C1orf94: variants seen among roughly 807,000 people sequenced by gnomAD.
C1orf94 encodes uncharacterized protein C1orf94.
In C1orf94, 45 loss-of-function variants were observed where a neutral mutation model predicts 53.6. The observed-to-expected ratio is 0.84, with a 90% CI of 0.66 to 1.08. C1orf94 has a LOEUF of 1.08. Ranked by LOEUF, C1orf94 falls within the 50% of genes least tolerant of loss-of-function variation. The probability of loss-of-function intolerance (pLI) is 0.00; values close to 1 mark genes in which losing one functional copy is unlikely to be tolerated. For synonymous variants in C1orf94, 304 were observed against 296.1 expected (o/e 1.03, Z -0.27); for missense variants, 762 against 738.9 (o/e 1.03, Z -0.36).
intron 1 of C1orf94, among the ~76,000 whole-genome samples, chr1:34,188,810 G>C (rs1642429770): frequency 6.6e-6 from 1 of 152,206 alleles, no homozygotes; most frequent in Non-Finnish European, 1.5e-5. Context: ...AGTCCCAGGA[G>C]ACAGAGCTTA....
intron 1 of C1orf94, among the ~76,000 whole-genome samples, chr1:34,181,151 G>A (rs145330934): frequency 1.2e-3 from 189 of 152,256 alleles, no homozygotes; most frequent in Non-Finnish European, 1.3e-3. Flanking sequence ...CCAAATCTAT[G>A]TCTTTTTTCT....
At chr1:34,206,636 C>T (rs1007290647) in intron 4 of C1orf94, among the ~76,000 whole-genome samples, 2 of 152,168 alleles carry the variant, frequency 1.3e-5, no homozygotes, top group African/African-American at 2.4e-5. Context: ...GAGGAGGCGG[C>T]GAAACAGAGG....
intron 1 of C1orf94, among the ~76,000 whole-genome samples, chr1:34,194,215 C>G (rs187127029): frequency 6.6e-6 from 1 of 152,304 alleles, no homozygotes; most frequent in Admixed American, 6.5e-5. Flanking sequence ...ATGCTGTGAG[C>G]ATTTCTCGAG....
intron 1 of C1orf94, among the ~76,000 whole-genome samples, chr1:34,187,786 G>A (rs28635974): frequency 0.015 from 331 of 22,730 alleles, 2 homozygotes; most frequent in African/African-American, 0.052. Context: ...CCCCCCCGCC[G>A]CCCCCCACCA....
rs943693497 is a variant in C1orf94 at position 34,177,250 on chromosome 1, C to T, written c.-540C>T. 6.6e-6 allele frequency among the ~76,000 whole-genome samples: 1 copy of T among 152,218 alleles called. No homozygotes were observed. Among genetic ancestry groups the T allele is most frequent in the Non-Finnish European group, 1.5e-5 (1 of 68,038 alleles). ...ACCTGGGCCGGGGGTGGGAGTCGGG[C>T]CGTTGACGCTCGCTCTGCGAGGGGC... is the stretch of plus-strand genomic sequence containing the variant. On this transcript the variant is annotated 5_prime_UTR_variant, in exon 1 of 7. Transcript: ENST00000488417.
At chr1:34,178,348 A>G (rs1044554649) in intron 1 of C1orf94, among the ~76,000 whole-genome samples, 1 of 152,238 alleles carries the variant, frequency 6.6e-6, no homozygotes, top group Non-Finnish European at 1.5e-5. Flanking sequence ...CCCGTTAAGC[A>G]GACATTTCTC....
chr1:34,206,496 T>G (rs1642795191), intron 4 of C1orf94, among the ~76,000 whole-genome samples: 1 of 152,220 alleles, frequency 6.6e-6, no homozygotes, highest in Admixed American at 6.5e-5. Context: ...GATCTTTGTG[T>G]ATGATGCCGT....
Position 34,218,799 on chromosome 1 carries a change from T to C in C1orf94, c.*38T>C. The C allele has an allele frequency of 6.3e-7, 1 of 1,575,030 alleles. No homozygotes were observed. Among genetic ancestry groups the C allele is most frequent in the South Asian group, 1.1e-5 (1 of 88,052 alleles). On this transcript the variant is annotated 3_prime_UTR_variant, in exon 7 of 7. Transcript: ENST00000488417. Reference sequence around the variant, plus strand: ...CCCTTCTCCTCCCTTAGCCCTTGGATCAGGACTAGGGGCTCTGATTTTTGG... The same window carrying C: ...CCCTTCTCCTCCCTTAGCCCTTGGACCAGGACTAGGGGCTCTGATTTTTGG...
chr1:34,177,815 T>C lies in C1orf94; in HGVS notation c.26T>C (p.Leu9Pro), dbSNP rs1425002313. Residue 9 changes from leucine (L) to proline (P), a missense_variant, in exon 1 of 7, where the codon CTA becomes CCA. By Grantham distance (98) the Leu-to-Pro change is moderately conservative (BLOSUM62 -3). Coordinates refer to ENST00000488417, the MANE Select transcript of C1orf94 (RefSeq NM_001134734.2). MRGGGGCV[L>P]ALGGQRGFQK... ...ATGAGGGGTGGTGGTGGTTGTGTTC[T>C]AGCCCTGGGTGGACAGAGGGGCTTC... 1 of 1,545,826 alleles carries C rather than the reference T, an allele frequency of 6.5e-7. No individual in the cohort carries two copies.
chr1:34,218,230 G>C (rs1643021731), intron 6 of C1orf94, among the ~76,000 whole-genome samples: 1 of 152,180 alleles, frequency 6.6e-6, no homozygotes, highest in African/African-American at 2.4e-5. Flanking sequence ...GGGGAGGAGG[G>C]ACTCTGGGAT....
intron 6 of C1orf94, among the ~76,000 whole-genome samples, chr1:34,214,100 A>G (rs976940423): frequency 6.6e-6 from 1 of 152,150 alleles, no homozygotes; most frequent in African/African-American, 2.4e-5. Flanking sequence ...GGGCACAACA[A>G]TGTTAGTGCC....
chr1:34,180,956 G>A (rs1642303641), intron 1 of C1orf94, among the ~76,000 whole-genome samples: 1 of 152,034 alleles, frequency 6.6e-6, no homozygotes, highest in Non-Finnish European at 1.5e-5. Flanking sequence ...CCTCCTTACT[G>A]TCCCTGCCAA....
At chr1:34,176,753 C>A (rs1008477412), upstream of C1orf94, among the ~76,000 whole-genome samples, 10 of 152,188 alleles carry the variant, frequency 6.6e-5, no homozygotes, top group African/African-American at 1.7e-4. Flanking sequence ...CCGGGGGACC[C>A]CCAGGCAGGA....
intron 1 of C1orf94, among the ~76,000 whole-genome samples, chr1:34,196,400 G>T (rs1383287347): frequency 6.6e-6 from 1 of 152,122 alleles, no homozygotes; most frequent in African/African-American, 2.4e-5. Context: ...TCAGTGCAGG[G>T]ATCTCCCCAC....
chr1:34,170,384 A>G (rs550182637), intron 1 of C1orf94, among the ~76,000 whole-genome samples: 1 of 152,192 alleles, frequency 6.6e-6, no homozygotes, highest in Non-Finnish European at 1.5e-5. Flanking sequence ...GGAAATAAGA[A>G]GGGCTCCTAG....
chr1:34,185,036 A>G (rs1045792125), intron 1 of C1orf94, among the ~76,000 whole-genome samples: 1 of 152,112 alleles, frequency 6.6e-6, no homozygotes, highest in Non-Finnish European at 1.5e-5. Context: ...GCTTCTGTGC[A>G]GCTTTTGTCT....
At chr1:34,187,952 T>G (rs1297370031) in intron 1 of C1orf94, among the ~76,000 whole-genome samples, 1 of 152,038 alleles carries the variant, frequency 6.6e-6, no homozygotes, top group African/African-American at 2.4e-5. Flanking sequence ...TTGCAAAGCA[T>G]CTAGAGGGAC....
rs61769843 is a variant in C1orf94, at chr1:34,177,346, C to T, written c.-444C>T. ...CCGAGTGCCTACAATGGTGCCAGGC[C>T]CGCACCCAGTCCTCCGCGTGGCTTA... is the stretch of plus-strand genomic sequence containing the variant. On this transcript the variant is annotated 5_prime_UTR_variant, in exon 1 of 7. Transcript: ENST00000488417. Among the ~76,000 whole-genome samples, 6 of 152,192 alleles carry T rather than the reference C, an allele frequency of 3.9e-5. No homozygotes were observed. Among genetic ancestry groups the T allele is most frequent in the Non-Finnish European group, 8.8e-5 (6 of 68,020 alleles).
chr1:34,197,636 A>C lies in C1orf94; in HGVS notation c.732A>C (p.Pro244=). 6.2e-7 allele frequency: 1 copy of C among 1,614,168 alleles called. No homozygotes were observed. Among genetic ancestry groups the C allele is most frequent in the Non-Finnish European group, 8.5e-7 (1 of 1,180,002 alleles). The change falls in exon 2 of 7, where the codon CCA becomes CCC. Residue 244 remains proline (P), a synonymous_variant. Coordinates refer to ENST00000488417, the MANE Select transcript of C1orf94 (RefSeq NM_001134734.2). This position sits in a 1 kb window ranked among gnomAD's most constrained non-coding sequence, Gnocchi z 4.1. The part of the protein sequence containing the change: ...LQVSKLLSQF[P]LKSTETSKVP... ...TCAGCAAGCTTCTGTCCCAGTTCCCACTGAAGTCCACTGAGACATCCAAGG... is the reference window on the plus strand; with the variant it reads ...TCAGCAAGCTTCTGTCCCAGTTCCCCCTGAAGTCCACTGAGACATCCAAGG...
Sources: allele counts gnomAD v4.1 joint callset (sites outside exome capture counted in the v4.1 genomes callset), GRCh38; gene constraint gnomAD v4.1.1; non-coding constraint Gnocchi (gnomAD v3.1); transcripts MANE v1.5; gene names NCBI Gene and HGNC (gene_info 2026-07-23, HGNC 2026-07-21).